KRT19: variants seen among roughly 807,000 people sequenced by gnomAD.
The protein encoded by KRT19 is keratin 19.
A neutral mutation model predicts 34.6 loss-of-function variants in KRT19; 21 were observed. The observed-to-expected ratio is 0.61, with a 90% confidence interval of 0.43 to 0.87. KRT19 has a LOEUF of 0.87. Among genes scored for constraint, KRT19 ranks in the 40% least tolerant of loss-of-function variants. KRT19 has a pLI of 0.00. For missense variants in KRT19, 514 were observed against 545.7 expected (o/e 0.94, Z 0.58); for synonymous variants, 240 against 245.8 (o/e 0.98, Z 0.22).
rs148696688 is a variant in KRT19, at chr17:41,525,228, C to G, written c.466G>C (p.Asp156His). ...IENSRIVLQI[D>H]NARLAADDFR... ...TCATCTGCAGCCAGACGGGCATTGT[C>G]GATCTGCAGGACAATCCTGGAGTTC... is the stretch of plus-strand genomic sequence containing the variant. Residue 156 changes from aspartate to histidine, a missense_variant, in exon 2 of 6, where the codon GAC becomes CAC. Coordinates refer to ENST00000361566, the MANE Select transcript of KRT19 (RefSeq NM_002276.5). 1 of 1,613,894 alleles carries G rather than the reference C, an allele frequency of 6.2e-7. No individual in the cohort carries two copies. Among genetic ancestry groups the G allele is most frequent in the Non-Finnish European group, 8.5e-7 (1 of 1,179,824 alleles).
At position 41,523,925 on chromosome 17, in the gene KRT19, G is replaced by C; in HGVS notation, c.1021C>G (p.Leu341Val). Residue 341 changes from leucine to valine, a missense_variant, in exon 6 of 6, where the codon CTG (leucine) becomes GTG (valine). Coordinates refer to ENST00000361566, the MANE Select transcript of KRT19 (RefSeq NM_002276.5). ...FGAQLAHIQA[L>V]ISGIEAQLGD... is the part of the protein sequence containing the mutation. Reference sequence around the variant, plus strand: ...AGCTGGGCTTCAATACCGCTGATCAGCGCCTGGATATGCGCCAGCTGGGCT... The same window carrying C: ...AGCTGGGCTTCAATACCGCTGATCACCGCCTGGATATGCGCCAGCTGGGCT... 1.2e-6 allele frequency: 2 copies of C among 1,614,022 alleles called. No individual in the cohort carries two copies. The highest frequency in any genetic ancestry group is 1.7e-6 in the Non-Finnish European group (2 of 1,179,996).
rs1905820746 is a variant in KRT19 at position 41,525,234 on chromosome 17, G to T, written c.460C>A (p.Gln154Lys). ...ATIENSRIVL[Q>K]IDNARLAADD... ...GCAGCCAGACGGGCATTGTCGATCT[G>T]CAGGACAATCCTGGAGTTCTCAATG... is the stretch of plus-strand genomic sequence containing the variant. Residue 154 changes from glutamine to lysine, a missense_variant, in exon 2 of 6, where the codon CAG becomes AAG. Transcript: ENST00000361566. 6.2e-7 allele frequency: 1 copy of T among 1,613,952 alleles called. No homozygotes were observed. Among genetic ancestry groups the T allele is most frequent in the Non-Finnish European group, 8.5e-7 (1 of 1,179,848 alleles).
chr17:41,524,067 C>T lies in KRT19; in HGVS notation c.949-70G>A, dbSNP rs147317256. ...CCGGAGAGGGCATGGGCACAGCCAC[C>T]GGCCAGGCTGCCCTAGGCTGCAAGG... On this transcript the variant is annotated intron_variant, in intron 5 of 5. Transcript: ENST00000361566. The T allele has an allele frequency of 3.4e-3, 5,444 of 1,598,172 alleles. 176 individuals are homozygous for T. In the Admixed American group the frequency reaches 0.065, roughly 19 times the overall value.
chr17:41,528,207 G>C lies in KRT19; in HGVS notation c.41C>G (p.Ser14Cys). ...YSYRQSSATS[S>C]FGGLGGGSVR... ...GGAGCCGCCGCCCAGGCCTCCGAAGGACGACGTGGCCGACGACTGGCGATA... is the reference window on the plus strand; with the variant it reads ...GGAGCCGCCGCCCAGGCCTCCGAAGCACGACGTGGCCGACGACTGGCGATA... The change falls in exon 1 of 6, where the codon TCC becomes TGC. Residue 14 changes from serine (S) to cysteine (C), a missense_variant. Physicochemically the swap from Ser to Cys is moderately radical, Grantham distance 112 (BLOSUM62 -1). Coordinates refer to ENST00000361566, the MANE Select transcript of KRT19 (RefSeq NM_002276.5). 1 of 1,584,490 alleles carries C rather than the reference G, an allele frequency of 6.3e-7. No homozygotes were observed.
chr17:41,528,074 C>T lies in KRT19; in HGVS notation c.174G>A (p.Ser58=). 1 of 1,610,096 alleles carries T rather than the reference C, an allele frequency of 6.2e-7. No homozygotes were observed. Among genetic ancestry groups the T allele is most frequent in the Non-Finnish European group, 8.5e-7 (1 of 1,178,078 alleles). Residue 58 remains serine (S), a synonymous_variant, in exon 1 of 6, where the codon TCG becomes TCA. Coordinates refer to ENST00000361566, the MANE Select transcript of KRT19 (RefSeq NM_002276.5). ...CGCCGTAGCCGCCGCCGTAGGCCCC[C>T]GAGGAGGACGAGGACACAAAGCGGG... The part of the protein sequence containing the change: ...SSARFVSSSS[S]GAYGGGYGGV...
At chr17:41,524,710 A>G in intron 3 of KRT19, 133 bp downstream of exon 3, 1 of 1,245,964 alleles carries the variant, frequency 8.0e-7, no homozygotes, top group East Asian at 2.3e-5. Flanking sequence ...GAACCCTGGG[A>G]TCCATGATCC....
chr17:41,526,165 G>C (rs914091039), intron 1 of KRT19, among the ~76,000 whole-genome samples: 2 of 151,930 alleles, frequency 1.3e-5, no homozygotes, highest in African/African-American at 2.4e-5. Context: ...TAGTAGAGAC[G>C]GGGTTTCACC....
At position 41,523,853 on chromosome 17, in the gene KRT19, G is replaced by T. The variant is rs367943772; in HGVS notation, c.1093C>A (p.Arg365=). The change falls in exon 6 of 6, where the codon CGG becomes AGG. Residue 365 remains arginine, a synonymous_variant. Transcript: ENST00000361566. ...DSERQNQEYQ[R]LMDIKSRLEQ... is the part of the protein sequence containing the mutation. ...AGCCGCGACTTGATGTCCATGAGCCGCTGGTACTCCTGATTCTGCCGCTCA... is the reference window on the plus strand; with the variant it reads ...AGCCGCGACTTGATGTCCATGAGCCTCTGGTACTCCTGATTCTGCCGCTCA... 56 of 1,613,904 alleles carry T rather than the reference G, an allele frequency of 3.5e-5. No homozygotes were observed. The highest frequency in any genetic ancestry group is 3.4e-4 in the Middle Eastern group (2 of 5,950).
intron 1 of KRT19, among the ~76,000 whole-genome samples, chr17:41,526,562 CTTTTTT>C (rs60030898): frequency 4.3e-4 from 31 of 72,190 alleles, no homozygotes; most frequent in East Asian, 4.2e-3. Flanking sequence ...AAGCTAATTC[CTTTTTT>C]TTTTTTTTTT....
At position 41,524,850 on chromosome 17, in the gene KRT19, T is replaced by A. The variant is rs759814365; in HGVS notation, c.653A>T (p.His218Leu). 1 of 1,613,912 alleles carries A rather than the reference T, an allele frequency of 6.2e-7. No individual in the cohort carries two copies. The highest frequency in any genetic ancestry group is 1.3e-5 in the African/African-American group (1 of 75,036). The change falls in exon 3 of 6, where the codon CAT becomes CTT. Residue 218 changes from histidine to leucine, a missense_variant. Physicochemically the swap from His to Leu is moderately conservative, Grantham distance 99. Transcript: ENST00000361566. ...KEELAYLKKN[H>L]EEEISTLRGQ... ...GCCCAGCTTCAAACCCACCTCCTCATGGTTCTTCTTCAGGTAGGCCAGCTC... is the reference window on the plus strand; with the variant it reads ...GCCCAGCTTCAAACCCACCTCCTCAAGGTTCTTCTTCAGGTAGGCCAGCTC...
chr17:41,524,586 C>T (rs372745948), intron 3 of KRT19, 46 bp from the exon 4 acceptor site: 1 of 1,602,380 alleles, frequency 6.2e-7, no homozygotes, highest in African/African-American at 1.3e-5. Flanking sequence ...CCAGACCCCA[C>T]TGGGCCTGGC....
In KRT19 at chr17:41,524,987, T is replaced by C; in HGVS notation, c.516A>G (p.Glu172=). 1 of 1,613,912 alleles carries C rather than the reference T, an allele frequency of 6.2e-7. No homozygotes were observed. Among genetic ancestry groups the C allele is most frequent in the African/African-American group, 1.3e-5 (1 of 75,044 alleles). The change falls in exon 3 of 6, where the codon GAA becomes GAG. Residue 172 remains glutamate (E), a synonymous_variant. Coordinates refer to ENST00000361566, the MANE Select transcript of KRT19 (RefSeq NM_002276.5). ...ADDFRTKFET[E]QALRMSVEAD... ...CCTCCACGCTCATGCGCAGAGCCTGTTCCGTCTCAAACCTTTCAAAGGAAA... is the reference window on the plus strand; with the variant it reads ...CCTCCACGCTCATGCGCAGAGCCTGCTCCGTCTCAAACCTTTCAAAGGAAA...
chr17:41,526,380 G>GCACA (rs148351360), intron 1 of KRT19, among the ~76,000 whole-genome samples: 1 of 150,682 alleles, frequency 6.6e-6, no homozygotes, highest in African/African-American at 2.4e-5. Context: ...GCATGTGCAC[G>GCACA]CACACACACA....
chr17:41,526,111 A>C (rs915351108), intron 1 of KRT19, among the ~76,000 whole-genome samples: 4 of 151,924 alleles, frequency 2.6e-5, no homozygotes, highest in African/African-American at 9.7e-5. Flanking sequence ...AGCTGGGACT[A>C]CAGGCGCCCT....
chr17:41,525,036 C>T (rs373102203), intron 2 of KRT19, 37 bp from the exon 3 acceptor site: 21 of 1,608,734 alleles, frequency 1.3e-5, no homozygotes, highest in Non-Finnish European at 1.7e-5. Context: ...GCAGAGCTTC[C>T]TCAGCATCTC....
intron 1 of KRT19, among the ~76,000 whole-genome samples, chr17:41,525,882 C>A (rs193211373): frequency 1.3e-5 from 2 of 152,288 alleles, no homozygotes; most frequent in Non-Finnish European, 2.9e-5. Flanking sequence ...TAATTGTGTT[C>A]TGTTTTTCAA....
At chr17:41,524,645 G>A (rs542498248) in intron 3 of KRT19, 105 bp from the exon 4 acceptor site, 3 of 1,351,268 alleles carry the variant, frequency 2.2e-6, no homozygotes, top group South Asian at 2.5e-5. Context: ...GTTTTCAGGT[G>A]CAGGCCTAGT....
chr17:41,524,992 T>C lies in KRT19; in HGVS notation c.511A>G (p.Thr171Ala). ...AADDFRTKFE[T>A]EQALRMSVEA... is the part of the protein sequence containing the mutation. ...ACGCTCATGCGCAGAGCCTGTTCCG[T>C]CTCAAACCTTTCAAAGGAAATAGTT... The change falls in exon 3 of 6, where the codon ACG (threonine) becomes GCG (alanine). Residue 171 changes from threonine to alanine, a missense_variant. Transcript: ENST00000361566. The C allele has an allele frequency of 6.2e-7, 1 of 1,613,282 alleles. No individual in the cohort carries two copies.
rs746933970 is a variant in KRT19 at position 41,525,279 on chromosome 17, A to G, written c.421-6T>C. 6.2e-7 allele frequency: 1 copy of G among 1,605,028 alleles called. No individual in the cohort carries two copies. The highest frequency in any genetic ancestry group is 2.2e-5 in the East Asian group (1 of 44,822). The stretch of plus-strand genomic sequence containing the variant: ...TCAATGGTGGCACCAAGAATCTGGA[A>G]GGCAGAGGCAGAGGTTGGTACCAGT... On this transcript the variant is annotated splice_polypyrimidine_tract_variant and splice_region_variant and intron_variant, in intron 1 of 5. Transcript: ENST00000361566.
Sources: gnomAD v4.1 joint callset for allele counts (sites outside exome capture counted in the v4.1 genomes callset) on GRCh38, gnomAD v4.1.1 for gene constraint, MANE v1.5 for transcripts, NCBI Gene and HGNC (gene_info 2026-07-23, HGNC 2026-07-21) for gene names.